Variants in COLGALT2 observed in about 807,000 individuals in gnomAD.
The protein encoded by COLGALT2 is procollagen galactosyltransferase 2.
Under a neutral mutation model 73.4 loss-of-function variants are expected in COLGALT2, and 49 were observed. The observed-to-expected ratio is 0.67, with a 90% CI of 0.53 to 0.85. The LOEUF (loss-of-function observed/expected upper bound fraction) is 0.85, where lower values mean the gene tolerates loss of function less well. Among genes scored for constraint, COLGALT2 ranks in the 40% least tolerant of loss-of-function variants. The pLI, the probability that COLGALT2 is intolerant of heterozygous loss-of-function variation, is 0.00. For synonymous variants in COLGALT2, 295 were observed against 307.6 expected (o/e 0.96, Z 0.43); for missense variants, 722 against 790.2 (o/e 0.91, Z 1.03).
At chr1:184,033,490 C>T (rs1308980983) in intron 1 of COLGALT2, among the ~76,000 whole-genome samples, 3 of 152,182 alleles carry the variant, frequency 2.0e-5, no homozygotes, top group Non-Finnish European at 4.4e-5. Context: ...AAACAATTAG[C>T]TTGGTGGATT....
rs768347342 is a variant in COLGALT2, at chr1:183,969,358, G to A, written c.743C>T (p.Ser248Leu). 4.5e-5 allele frequency: 72 copies of A among 1,613,778 alleles called. No homozygotes were observed. Among genetic ancestry groups the A allele is most frequent in the South Asian group, 1.9e-4 (17 of 91,048 alleles). The change falls in exon 5 of 12, where the codon TCG becomes TTG. Residue 248 changes from serine (S) to leucine (L), a missense_variant. By Grantham distance (145) the Ser-to-Leu change is moderately radical. Transcript: ENST00000361927. The stretch of plus-strand genomic sequence containing the variant: ...TGGGGGGTAGAAAGTCAGCTTGTCC[G>A]AGGCCTCCTTCCTGAGGTCAATTAG... The part of the protein sequence containing the change: ...TFLIDLRKEA[S>L]DKLTFYPPHQ...
intron 1 of COLGALT2, among the ~76,000 whole-genome samples, chr1:184,030,474 T>C (rs1459143628): frequency 6.6e-6 from 1 of 152,224 alleles, no homozygotes; most frequent in Admixed American, 6.5e-5. Context: ...ATTATTGTCC[T>C]ACTATAGTCC....
intron 10 of COLGALT2, among the ~76,000 whole-genome samples, chr1:183,941,954 C>CTTT (rs34285270): frequency 2.1e-5 from 3 of 142,840 alleles, no homozygotes; most frequent in Non-Finnish European, 1.5e-5. Context: ...CGACAGTTTA[C>CTTT]TTTTTTTTTT....
At chr1:183,932,676 C>T (rs1315372368), downstream of COLGALT2, among the ~76,000 whole-genome samples, 1 of 152,138 alleles carries the variant, frequency 6.6e-6, no homozygotes, top group Non-Finnish European at 1.5e-5. Context: ...GGGATGTGGG[C>T]CCGGCGCAGC....
intron 1 of COLGALT2, among the ~76,000 whole-genome samples, chr1:184,009,590 GA>G (rs1672180074): frequency 6.6e-6 from 1 of 152,022 alleles, no homozygotes; most frequent in Admixed American, 6.6e-5. Context: ...CAGTTTTTAT[GA>G]TTCTTTCAGA....
At chr1:184,009,269 C>A (rs1192136931) in intron 1 of COLGALT2, among the ~76,000 whole-genome samples, 1 of 152,140 alleles carries the variant, frequency 6.6e-6, no homozygotes, top group African/African-American at 2.4e-5. Flanking sequence ...GAATTAAGAA[C>A]AACAAAATTT....
intron 11 of COLGALT2, among the ~76,000 whole-genome samples, chr1:183,939,447 C>T (rs145201648): frequency 7.1e-4 from 108 of 152,302 alleles, no homozygotes; most frequent in African/African-American, 2.4e-3. Context: ...CTTAGAGGCA[C>T]GCAGGCTTGG....
At chr1:183,986,118 A>G (rs1023772032) in intron 1 of COLGALT2, among the ~76,000 whole-genome samples, 2 of 152,178 alleles carry the variant, frequency 1.3e-5, no homozygotes, top group Admixed American at 1.3e-4. Flanking sequence ...CACTCAGCAA[A>G]ATATGCCAAT....
rs1203930501 is a variant in COLGALT2 at position 183,945,482 on chromosome 1, T to C, written c.1219A>G (p.Thr407Ala). The C allele has an allele frequency of 1.2e-6, 2 of 1,614,082 alleles. No homozygotes were observed. Among genetic ancestry groups the C allele is most frequent in the African/African-American group, 2.7e-5 (2 of 74,936 alleles). The change falls in exon 9 of 12, where the codon ACA becomes GCA. Residue 407 changes from threonine to alanine, a missense_variant. Thr to Ala is a moderately conservative substitution (Grantham distance 58, BLOSUM62 0). Coordinates refer to ENST00000361927, the MANE Select transcript of COLGALT2 (RefSeq NM_015101.4). ...AGAAAGCAGCCGATTTCACCCCTTG[T>C]TAGAGGCCTGGAGGAATAGGGATCT... ...YRDPYSSRPL[T>A]RGEIGCFLSH...
At chr1:183,954,302 C>A (rs1670493754) in intron 7 of COLGALT2, among the ~76,000 whole-genome samples, 1 of 151,714 alleles carries the variant, frequency 6.6e-6, no homozygotes, top group South Asian at 2.1e-4. Context: ...GTCCTCTCAA[C>A]CCTGCTCTCT....
chr1:184,020,041 T>A (rs183158389), intron 1 of COLGALT2, among the ~76,000 whole-genome samples: 5 of 152,326 alleles, frequency 3.3e-5, no homozygotes, highest in Admixed American at 1.3e-4. Context: ...TTAGACTTAT[T>A]GGATGGCAGT....
At chr1:183,931,860 T>TAA (rs35058267), downstream of COLGALT2, among the ~76,000 whole-genome samples, 311 of 119,954 alleles carry the variant, frequency 2.6e-3, 1 homozygote, top group African/African-American at 7.9e-3. Flanking sequence ...GTTCCTGCCA[T>TAA]AAAAAAAAAA....
intron 8 of COLGALT2, among the ~76,000 whole-genome samples, chr1:183,949,686 G>T (rs2378789): frequency 0.52 from 79,352 of 152,032 alleles, 21,907 homozygotes; most frequent in Middle Eastern, 0.67. Flanking sequence ...GGATTCTTAG[G>T]TATGACACTA....
chr1:183,978,641 T>C, intron 1 of COLGALT2, 121 bp from the exon 2 acceptor site: 1 of 565,576 alleles, frequency 1.8e-6, no homozygotes. Flanking sequence ...ATTGTATATA[T>C]GAAAATAATT....
chr1:183,972,104 A>G lies in COLGALT2; in HGVS notation c.627+1512T>C, dbSNP rs145267808. 3.9e-5 allele frequency among the ~76,000 whole-genome samples: 6 copies of G among 152,320 alleles called. No individual in the cohort carries two copies. The East Asian group carries it at 1.2e-3, about 29-fold the overall frequency. On this transcript the variant is annotated intron_variant, in intron 4 of 11. Transcript: ENST00000361927. ...TTTAGCCCTTTGGCCATGAGAATAC[A>G]TTGAACATACTCCCTCTTTTTTTGA...
chr1:184,009,728 TG>T (rs1228648942), intron 1 of COLGALT2, among the ~76,000 whole-genome samples: 9 of 152,244 alleles, frequency 5.9e-5, no homozygotes, highest in Non-Finnish European at 1.3e-4. Context: ...AAGAAGTTAA[TG>T]GAGACAGAGA....
chr1:184,030,623 A>T (rs927273661), intron 1 of COLGALT2, among the ~76,000 whole-genome samples: 1 of 152,222 alleles, frequency 6.6e-6, no homozygotes, highest in Non-Finnish European at 1.5e-5. Flanking sequence ...GTTACAAGGC[A>T]TTCATTGTTC....
At chr1:184,033,252 G>A (rs1649571687) in intron 1 of COLGALT2, among the ~76,000 whole-genome samples, 1 of 152,178 alleles carries the variant, frequency 6.6e-6, no homozygotes, top group Admixed American at 6.5e-5. Context: ...CCTAATCATA[G>A]GTTTAAGGAG....
At chr1:184,035,659 G>A (rs1340177624) in intron 1 of COLGALT2, among the ~76,000 whole-genome samples, 2 of 152,028 alleles carry the variant, frequency 1.3e-5, no homozygotes, top group Non-Finnish European at 2.9e-5. Context: ...ATACTGTAAC[G>A]TTTTAAAAAA....
Sources: allele counts gnomAD v4.1 joint callset (sites outside exome capture counted in the v4.1 genomes callset), GRCh38; gene constraint gnomAD v4.1.1; transcripts MANE v1.5; gene names NCBI Gene and HGNC (gene_info 2026-07-23, HGNC 2026-07-21).